Variants in SCARB2 observed in about 807,000 individuals in gnomAD.
The protein encoded by SCARB2 is lysosome membrane protein 2.
Under a neutral mutation model 58.6 loss-of-function variants are expected in SCARB2, and 29 were observed. The observed-to-expected ratio is 0.49, with a 90% CI of 0.37 to 0.67. The LOEUF (loss-of-function observed/expected upper bound fraction) is 0.67. SCARB2 is among the 30% of genes least tolerant of loss of function. SCARB2 has a pLI of 0.00. For missense variants in SCARB2, 488 were observed against 578.5 expected (o/e 0.84, Z 1.60); for synonymous variants, 195 against 210.1 (o/e 0.93, Z 0.62).
At chr4:76,197,061 C>T (rs534054910) in intron 1 of SCARB2, among the ~76,000 whole-genome samples, 1 of 152,196 alleles carries the variant, frequency 6.6e-6, no homozygotes, top group South Asian at 2.1e-4. Context: ...ACTGACAGCC[C>T]TCTACAAGCC....
intron 1 of SCARB2, among the ~76,000 whole-genome samples, chr4:76,205,782 C>A (rs1356803842): frequency 6.6e-6 from 1 of 152,188 alleles, no homozygotes; most frequent in Non-Finnish European, 1.5e-5. Flanking sequence ...CATGCCCTCC[C>A]CCATTTCTGT....
rs3836573 is a variant in SCARB2, at chr4:76,161,917, TCAG to T, written c.1399-169_1399-167del. 200,537 of 691,440 alleles carry T rather than the reference TCAG, an allele frequency of 0.29. 37,294 individuals are homozygous for T. The highest frequency in any genetic ancestry group is 0.66 in the African/African-American group (37,281 of 56,662). 42.8% of individuals were successfully genotyped at this position (691,440 alleles called of 1,614,324 possible). A position where few individuals can be genotyped will look rare whatever the true frequency, so the allele number is the denominator to read the frequency against. On this transcript the variant is annotated intron_variant, in intron 11 of 11. Transcript: ENST00000264896. ...TGGGCTGCTGCTTGTTCTTGAAGAT[TCAG>T]CAGGCCTAACCTTTCCAGGAGGCCT... is the stretch of plus-strand genomic sequence containing the variant.
Position 76,175,878 on chromosome 4 carries a change from T to C in SCARB2, c.737A>G (p.Asn246Ser). The change falls in exon 6 of 12, where the codon AAT becomes AGT. Residue 246 changes from asparagine (N) to serine (S), a missense_variant. Transcript: ENST00000264896. ...SLDWWITDKC[N>S]MINGTDGDSF... Reference sequence around the variant, plus strand: ...ATCTCCATCTGTTCCATTAATCATATTGCACTTGTCTGTTATCCACCAGTC... The same window carrying C: ...ATCTCCATCTGTTCCATTAATCATACTGCACTTGTCTGTTATCCACCAGTC... 6.2e-7 allele frequency: 1 copy of C among 1,613,992 alleles called. No individual in the cohort carries two copies. Among genetic ancestry groups the C allele is most frequent in the Non-Finnish European group, 8.5e-7 (1 of 1,179,970 alleles).
intron 2 of SCARB2, chr4:76,192,367 G>A (rs896213581): frequency 7.2e-5 from 11 of 152,230 alleles, no homozygotes; most frequent in Admixed American, 7.2e-4. Context: ...CTGGAGCAAA[G>A]TTCACATGTG....
At chr4:76,199,912 GCT>G (rs1473135655) in intron 1 of SCARB2, among the ~76,000 whole-genome samples, 1 of 152,182 alleles carries the variant, frequency 6.6e-6, no homozygotes, top group African/African-American at 2.4e-5. Flanking sequence ...CCCAGAGAGG[GCT>G]CTGTTTTGAC....
At chr4:76,178,019 G>T (rs4452450) in intron 4 of SCARB2, among the ~76,000 whole-genome samples, 16,526 of 152,230 alleles carry the variant, frequency 0.11, 1,120 homozygotes, top group East Asian at 0.21. Flanking sequence ...AATGGTAAAT[G>T]TTATAGTAAG....
intron 1 of SCARB2, among the ~76,000 whole-genome samples, chr4:76,202,898 A>C (rs1232145124): frequency 6.6e-6 from 1 of 152,222 alleles, no homozygotes; most frequent in Non-Finnish European, 1.5e-5. Context: ...ATACTAAATC[A>C]GTTTATTTAA....
chr4:76,225,620 C>G (rs1733383723), intron 1 of SCARB2, among the ~76,000 whole-genome samples: 1 of 152,188 alleles, frequency 6.6e-6, no homozygotes, highest in Non-Finnish European at 1.5e-5. Flanking sequence ...TTCTCAAATG[C>G]TTTTTCTGCA....
chr4:76,176,077 C>A, intron 5 of SCARB2, 167 bp from the exon 6 acceptor site: 1 of 835,716 alleles, frequency 1.2e-6, no homozygotes, highest in South Asian at 1.7e-5. Context: ...AAAAGTAGGT[C>A]CCTGGCCCAA....
intron 1 of SCARB2, among the ~76,000 whole-genome samples, chr4:76,205,780 C>T (rs901200418): frequency 6.6e-6 from 1 of 152,154 alleles, no homozygotes; most frequent in Non-Finnish European, 1.5e-5. Flanking sequence ...AACATGCCCT[C>T]CCCCATTTCT....
chr4:76,171,043 C>A (rs897428594), intron 7 of SCARB2, among the ~76,000 whole-genome samples: 1 of 150,650 alleles, frequency 6.6e-6, no homozygotes, highest in African/African-American at 2.4e-5. Context: ...GAGAGGGACC[C>A]AACAATTGCT....
chr4:76,208,977 T>C (rs1732985816), intron 1 of SCARB2, among the ~76,000 whole-genome samples: 1 of 152,182 alleles, frequency 6.6e-6, no homozygotes, highest in Non-Finnish European at 1.5e-5. Context: ...ATGGGATGTA[T>C]GGTCATCCTT....
chr4:76,187,977 A>G (rs1029244749), intron 2 of SCARB2, among the ~76,000 whole-genome samples: 1 of 152,186 alleles, frequency 6.6e-6, no homozygotes, highest in African/African-American at 2.4e-5. Context: ...TAAATAATAC[A>G]AGCCTAAAAT....
At chr4:76,227,625 T>C (rs536481715) in intron 1 of SCARB2, among the ~76,000 whole-genome samples, 7 of 152,232 alleles carry the variant, frequency 4.6e-5, no homozygotes, top group Non-Finnish European at 8.8e-5. Context: ...CAGTGGAGTA[T>C]TGAAGTCCCC....
At chr4:76,205,363 A>ATAAAG (rs1732909863) in intron 1 of SCARB2, among the ~76,000 whole-genome samples, 1 of 152,008 alleles carries the variant, frequency 6.6e-6, no homozygotes. Flanking sequence ...ATAAAATAAA[A>ATAAAG]TAAAACCCCA....
At chr4:76,180,127 T>C (rs904263319) in intron 3 of SCARB2, 6 of 251,022 alleles carry the variant, frequency 2.4e-5, no homozygotes, top group Non-Finnish European at 4.7e-5. Flanking sequence ...CCATCATCAG[T>C]GTCCAGCTGC....
chr4:76,196,596 G>A (rs999360), intron 1 of SCARB2, among the ~76,000 whole-genome samples: 27,570 of 152,014 alleles, frequency 0.18, 2,721 homozygotes, highest in East Asian at 0.35. Flanking sequence ...CAAGGGGAAG[G>A]GCCCAAGAAG....
intron 2 of SCARB2, among the ~76,000 whole-genome samples, chr4:76,182,838 G>C (rs563208212): frequency 6.6e-6 from 1 of 152,190 alleles, no homozygotes; most frequent in East Asian, 1.9e-4. Context: ...ATCGTAAGTT[G>C]AAAGTTTGTT....
intron 1 of SCARB2, among the ~76,000 whole-genome samples, chr4:76,199,755 G>A (rs980699013): frequency 3.3e-5 from 5 of 152,178 alleles, no homozygotes; most frequent in African/African-American, 4.8e-5. Context: ...GGGCAGCTGC[G>A]TGAGGTCACT....
Sources: allele counts gnomAD v4.1 joint callset (sites outside exome capture counted in the v4.1 genomes callset), GRCh38; gene constraint gnomAD v4.1.1; transcripts MANE v1.5; gene names NCBI Gene and HGNC (gene_info 2026-07-23, HGNC 2026-07-21).